PIGN: variants seen among roughly 807,000 people sequenced by gnomAD.
PIGN encodes phosphatidylinositol glycan anchor biosynthesis class N.
Under a neutral mutation model 125.4 loss-of-function variants are expected in PIGN, and 117 were observed. The ratio of observed to expected loss-of-function variants is 0.93; its 90% CI spans 0.80 to 1.09. The LOEUF (loss-of-function observed/expected upper bound fraction) is 1.09. Among genes scored for constraint, PIGN ranks in the 50% least tolerant of loss-of-function variants. The pLI, the probability that PIGN is intolerant of heterozygous loss-of-function variation, is 0.00. For synonymous variants in PIGN, 392 were observed against 377.8 expected (o/e 1.04, Z -0.44); for missense variants, 1,075 against 1,094.9 (o/e 0.98, Z 0.26).
chr18:62,100,567 CAT>C (rs202110630), intron 22 of PIGN, among the ~76,000 whole-genome samples: 1,988 of 152,328 alleles, frequency 0.013, 14 homozygotes, highest in Middle Eastern at 0.078. Flanking sequence ...CCTTAAATTA[CAT>C]GTTTGCTTCA....
intron 21 of PIGN, among the ~76,000 whole-genome samples, 165 bp downstream of exon 21, chr18:62,102,629 A>C (rs1404165268): frequency 1.3e-5 from 2 of 151,978 alleles, no homozygotes; most frequent in Non-Finnish European, 2.9e-5. Flanking sequence ...ATACCTCTTA[A>C]AGAACACATT....
At chr18:62,134,925 A>G (rs1265008011) in intron 14 of PIGN, among the ~76,000 whole-genome samples, 1 of 152,152 alleles carries the variant, frequency 6.6e-6, no homozygotes, top group Non-Finnish European at 1.5e-5. Flanking sequence ...GAAGAAATGT[A>G]TGCTTTCTAT....
chr18:62,132,506 T>C (rs1294845736), intron 14 of PIGN, among the ~76,000 whole-genome samples: 2 of 152,182 alleles, frequency 1.3e-5, no homozygotes, highest in East Asian at 3.9e-4. Context: ...TCCACCTGGT[T>C]CTGGTATATT....
chr18:62,054,872 A>C (rs2031603297), intron 30 of PIGN, among the ~76,000 whole-genome samples: 1 of 152,242 alleles, frequency 6.6e-6, no homozygotes, highest in Non-Finnish European at 1.5e-5. Context: ...AAACAATTCA[A>C]TTAGAAAATG....
intron 14 of PIGN, among the ~76,000 whole-genome samples, chr18:62,129,303 C>A (rs1172214082): frequency 6.6e-6 from 1 of 152,174 alleles, no homozygotes; most frequent in Non-Finnish European, 1.5e-5. Context: ...CATACTTTCC[C>A]ACCTTAAGTC....
At chr18:62,024,760 G>A (rs2030095990) in intron 23 of PIGN, among the ~76,000 whole-genome samples, 1 of 152,146 alleles carries the variant, frequency 6.6e-6, no homozygotes. Flanking sequence ...GGCAGAAGTG[G>A]GAGGATCACT....
intron 23 of PIGN, among the ~76,000 whole-genome samples, chr18:62,035,701 G>T (rs1177440495): frequency 7.4e-5 from 9 of 121,586 alleles, no homozygotes; most frequent in Non-Finnish European, 1.5e-4. Flanking sequence ...AACAGGCCCC[G>T]GTGTGTGATG....
intron 14 of PIGN, among the ~76,000 whole-genome samples, chr18:62,129,481 C>T (rs2035653731): frequency 6.6e-6 from 1 of 152,186 alleles, no homozygotes; most frequent in South Asian, 2.1e-4. Flanking sequence ...AGTTCTCTTT[C>T]CAACACTGCC....
intron 23 of PIGN, among the ~76,000 whole-genome samples, chr18:62,026,613 AT>A (rs2030121919): frequency 6.6e-6 from 1 of 152,348 alleles, no homozygotes; most frequent in East Asian, 1.9e-4. Flanking sequence ...TGGGGTAACA[AT>A]TTTATAAAGT....
chr18:62,044,923 A>G lies in PIGN; in HGVS notation c.*933T>C, dbSNP rs2030553308. 6.6e-6 allele frequency: 1 copy of G among 152,122 alleles called. No individual in the cohort carries two copies. Among genetic ancestry groups the G allele is most frequent in the Admixed American group, 6.5e-5 (1 of 15,276 alleles). 9.4% of individuals were successfully genotyped at this position (152,122 alleles called of 1,614,324 possible). On this transcript the variant is annotated 3_prime_UTR_variant, in exon 31 of 31. Transcript: ENST00000640252. ...TTACAAATGGAAATCTAATTTGATGATTTTAGGCCTTTGTGCTAGAATCTC... is the reference window on the plus strand; with the variant it reads ...TTACAAATGGAAATCTAATTTGATGGTTTTAGGCCTTTGTGCTAGAATCTC...
Position 62,043,917 on chromosome 18 carries a change from C to G in PIGN, c.*1939G>C, listed in dbSNP as rs1203742916. ...AAAATAAATACCTTAAATAGAAATA[C>G]TTTTTCCCTAACTCGTTTCTTTTTT... On this transcript the variant is annotated 3_prime_UTR_variant, in exon 31 of 31. Transcript: ENST00000640252. The G allele has an allele frequency of 1.3e-5, 2 of 152,156 alleles. No homozygotes were observed. Among genetic ancestry groups the G allele is most frequent in the African/African-American group, 4.8e-5 (2 of 41,440 alleles). 9.4% of individuals were successfully genotyped at this position (152,156 alleles called of 1,614,324 possible).
At chr18:62,046,181 G>C (rs991825719) in intron 30 of PIGN, among the ~76,000 whole-genome samples, 1 of 152,096 alleles carries the variant, frequency 6.6e-6, no homozygotes, top group Non-Finnish European at 1.5e-5. Context: ...GCTGTCCATG[G>C]ACTGGTTCCA....
chr18:62,138,699 T>C (rs2036024260), intron 13 of PIGN, among the ~76,000 whole-genome samples: 1 of 152,222 alleles, frequency 6.6e-6, no homozygotes, highest in Non-Finnish European at 1.5e-5. Flanking sequence ...ATATGATTTC[T>C]ATGGGGCAAA....
At position 62,107,077 on chromosome 18, in the gene PIGN, A is replaced by G. The variant is rs2034674725; in HGVS notation, c.1583T>C (p.Val528Ala). Residue 528 changes from valine (V) to alanine (A), a missense_variant, in exon 18 of 31, where the codon GTT (valine) becomes GCT (alanine). By Grantham distance (64) the Val-to-Ala change is moderately conservative. Around this residue, in one of 3 missense-constraint regions of PIGN, gnomAD observed 915 missense variants for 908.7 expected, o/e 1.01. Coordinates refer to ENST00000640252, the MANE Select transcript of PIGN (RefSeq NM_176787.5). ...CACTGATACAACAAGGTCCTGAATA[A>G]CTTGAAATCTGTTTCAAATAAAAAG... ...IWYAVLREFQVIQDLVVSVLT... is the reference protein window; with the variant it reads ...IWYAVLREFQAIQDLVVSVLT... The G allele has an allele frequency of 6.4e-7, 1 of 1,572,028 alleles. No homozygotes were observed. The highest frequency in any genetic ancestry group is 1.4e-5 in the African/African-American group (1 of 73,826).
Position 62,107,060 on chromosome 18 carries a change from C to T in PIGN, c.1600G>A (p.Val534Ile), listed in dbSNP as rs1318186935. ...CTCAGAGGATAGGTCAACACTGATA[C>T]AACAAGGTCCTGAATAACTTGAAAT... ...REFQVIQDLV[V>I]SVLTYPLSHF... Residue 534 changes from valine to isoleucine, a missense_variant, in exon 18 of 31, where the codon GTA (valine) becomes ATA (isoleucine). Coordinates refer to ENST00000640252, the MANE Select transcript of PIGN (RefSeq NM_176787.5). 1.9e-6 allele frequency: 3 copies of T among 1,585,120 alleles called. No individual in the cohort carries two copies. The African/African-American group carries it at 4.0e-5, about 21-fold the overall frequency.
At chr18:62,026,998 T>C (rs907889639) in intron 23 of PIGN, among the ~76,000 whole-genome samples, 5 of 152,006 alleles carry the variant, frequency 3.3e-5, no homozygotes, top group Non-Finnish European at 5.9e-5. Flanking sequence ...AGGTCAGGAG[T>C]TCGAGACCAG....
rs1446576916 is a variant in PIGN at position 62,147,002 on chromosome 18, G to C, written c.774C>G (p.Ile258Met). The C allele has an allele frequency of 1.2e-6, 2 of 1,612,324 alleles. No individual in the cohort carries two copies. The highest frequency in any genetic ancestry group is 8.5e-7 in the Non-Finnish European group (1 of 1,178,782). Residue 258 changes from isoleucine to methionine, a missense_variant, in exon 9 of 31, where the codon ATC becomes ATG. This residue lies in a region of PIGN where 915 missense variants were observed against 908.7 expected (regional missense o/e 1.01). Coordinates refer to ENST00000640252, the MANE Select transcript of PIGN (RefSeq NM_176787.5). ...FYGNDGKTTF[I>M]FTSDHGMTDW... ...CTGTCATTCCATGGTCAGAGGTAAA[G>C]ATAAATGTTGTTTTCCCATCATTTC...
intron 22 of PIGN, among the ~76,000 whole-genome samples, chr18:62,097,789 C>A (rs529267676): frequency 6.6e-6 from 1 of 152,114 alleles, no homozygotes; most frequent in South Asian, 2.1e-4. Context: ...ACAGGAATGA[C>A]TTCACCATGC....
chr18:62,111,526 T>C lies in PIGN; in HGVS notation c.1435-1553A>G, dbSNP rs149391924. On this transcript the variant is annotated intron_variant, in intron 16 of 30. Coordinates refer to ENST00000640252, the MANE Select transcript of PIGN (RefSeq NM_176787.5). ...ACACTTTACATATCTTAAAGTTTTC[T>C]TTTGTAGTCGAGTGTAGATATAGTG... 5.7e-3 allele frequency among the ~76,000 whole-genome samples: 868 copies of C among 152,334 alleles called. 3 individuals are homozygous for C. The highest frequency in any genetic ancestry group is 0.017 in the South Asian group (81 of 4,824).
Sources: gnomAD v4.1 joint callset for allele counts (sites outside exome capture counted in the v4.1 genomes callset) on GRCh38, gnomAD v4.1.1 for gene constraint, gnomAD v4.1.1 regional missense constraint, MANE v1.5 for transcripts, NCBI Gene and HGNC (gene_info 2026-07-23, HGNC 2026-07-21) for gene names.